Variants in PEX14 observed in about 807,000 individuals in gnomAD.
The protein encoded by PEX14 is peroxisomal membrane protein PEX14.
Under a neutral mutation model 49.5 loss-of-function variants are expected in PEX14, and 15 were observed. The ratio of observed to expected loss-of-function variants is 0.30; its 90% confidence interval spans 0.20 to 0.47. PEX14 has a LOEUF of 0.47. Among genes scored for constraint, PEX14 ranks in the 20% least tolerant of loss-of-function variants. The pLI is 1.00. For missense variants in PEX14, 398 were observed against 494.8 expected (o/e 0.80, Z 1.86); for synonymous variants, 210 against 212.7 (o/e 0.99, Z 0.11).
intron 2 of PEX14, among the ~76,000 whole-genome samples, chr1:10,501,055 T>C (rs566800358): frequency 4.6e-4 from 70 of 152,326 alleles, no homozygotes; most frequent in African/African-American, 1.6e-3. Context: ...AAACCAGCCA[T>C]TTAGGGATTT....
At chr1:10,562,034 A>G (rs1346565888) in intron 3 of PEX14, among the ~76,000 whole-genome samples, 1 of 152,012 alleles carries the variant, frequency 6.6e-6, no homozygotes, top group East Asian at 1.9e-4. Context: ...GCGCCTGGCT[A>G]ATTTAAGAAT....
chr1:10,587,125 T>C (rs999135721), intron 3 of PEX14, among the ~76,000 whole-genome samples: 13 of 152,150 alleles, frequency 8.5e-5, no homozygotes, highest in Non-Finnish European at 1.9e-4. Context: ...ATGTGCATGC[T>C]TTTCTGTATA....
At chr1:10,591,935 CT>C (rs1388044625) in intron 3 of PEX14, among the ~76,000 whole-genome samples, 3 of 152,102 alleles carry the variant, frequency 2.0e-5, no homozygotes, top group African/African-American at 7.2e-5. Flanking sequence ...CTCTCTGTCC[CT>C]TTTTCTTGAT....
intron 3 of PEX14, among the ~76,000 whole-genome samples, chr1:10,551,830 C>T (rs1021430874): frequency 4.6e-5 from 7 of 152,120 alleles, no homozygotes; most frequent in Non-Finnish European, 7.4e-5. Flanking sequence ...TGGCCAGGCA[C>T]GGTGGCTCAT....
chr1:10,574,822 CAG>C (rs1640074477), intron 3 of PEX14, among the ~76,000 whole-genome samples: 1 of 152,102 alleles, frequency 6.6e-6, no homozygotes, highest in South Asian at 2.1e-4. Context: ...TCAAAAGAAA[CAG>C]AATTGGCCGG....
intron 3 of PEX14, among the ~76,000 whole-genome samples, chr1:10,582,927 G>A (rs1640366095): frequency 6.6e-6 from 1 of 152,012 alleles, no homozygotes; most frequent in Admixed American, 6.6e-5. Context: ...AGGGACGGGG[G>A]TTTCACCATG....
At chr1:10,484,261 C>A (rs1641331167) in intron 1 of PEX14, among the ~76,000 whole-genome samples, 1 of 151,512 alleles carries the variant, frequency 6.6e-6, no homozygotes, top group African/African-American at 2.4e-5. Context: ...TGGTCTTGAA[C>A]CCCTGACCTC....
intron 1 of PEX14, among the ~76,000 whole-genome samples, chr1:10,486,803 C>T (rs975857559): frequency 3.3e-5 from 5 of 151,570 alleles, no homozygotes; most frequent in African/African-American, 9.7e-5. Context: ...TTCTCTGCCT[C>T]AGCCTCCTGA....
intron 2 of PEX14, among the ~76,000 whole-genome samples, chr1:10,498,245 A>G (rs1641604680): frequency 6.6e-6 from 1 of 152,210 alleles, no homozygotes; most frequent in African/African-American, 2.4e-5. Flanking sequence ...AGGCCACTGC[A>G]CTCCAGCCTG....
At chr1:10,490,934 G>A (rs911906793) in intron 1 of PEX14, among the ~76,000 whole-genome samples, 14 of 151,334 alleles carry the variant, frequency 9.3e-5, no homozygotes, top group Admixed American at 9.2e-4. Context: ...GAACTCCTGG[G>A]CCCAAGCGAT....
chr1:10,572,895 G>T (rs1019053349), intron 3 of PEX14, among the ~76,000 whole-genome samples: 1 of 152,170 alleles, frequency 6.6e-6, no homozygotes, highest in Non-Finnish European at 1.5e-5. Context: ...GTTATAGACT[G>T]TACCTACACA....
At chr1:10,496,679 G>A (rs1247504041) in intron 2 of PEX14, among the ~76,000 whole-genome samples, 1 of 151,990 alleles carries the variant, frequency 6.6e-6, no homozygotes, top group Non-Finnish European at 1.5e-5. Flanking sequence ...CTGATTTCTG[G>A]TATTTGGAGC....
In PEX14 at chr1:10,561,184, C is replaced by T. The variant is rs1048552344; in HGVS notation, c.169+24887C>T. Among the ~76,000 whole-genome samples the T allele has an allele frequency of 2.0e-5, 3 of 152,200 alleles. No individual in the cohort carries two copies. The South Asian group carries it at 6.2e-4, about 32-fold the overall frequency. ...GGCCATTCTTCCACACATAACCACA[C>T]CATGTTACCACATAGAAGAAAATTA... On this transcript the variant is annotated intron_variant, in intron 3 of 8. Transcript: ENST00000356607.
At chr1:10,534,196 T>C (rs1638732119) in intron 2 of PEX14, among the ~76,000 whole-genome samples, 1 of 152,146 alleles carries the variant, frequency 6.6e-6, no homozygotes, top group African/African-American at 2.4e-5. Flanking sequence ...ATACGAGTAG[T>C]GTAATTTTCT....
intron 3 of PEX14, among the ~76,000 whole-genome samples, chr1:10,588,683 G>A (rs1046551511): frequency 6.6e-6 from 1 of 152,124 alleles, no homozygotes. Flanking sequence ...AGCCCTCATG[G>A]TGATCAGATC....
chr1:10,476,386 G>A (rs1407396482), intron 1 of PEX14, among the ~76,000 whole-genome samples: 1 of 152,190 alleles, frequency 6.6e-6, no homozygotes. Context: ...CTCCTTTCTT[G>A]CCTTACCACA....
chr1:10,611,837 C>G (rs1641285331), intron 4 of PEX14, among the ~76,000 whole-genome samples: 1 of 152,154 alleles, frequency 6.6e-6, no homozygotes, highest in Non-Finnish European at 1.5e-5. Flanking sequence ...GCCACTTTGT[C>G]TTTTTATTAT....
chr1:10,518,998 G>C (rs1642020602), intron 2 of PEX14, among the ~76,000 whole-genome samples: 1 of 152,066 alleles, frequency 6.6e-6, no homozygotes. Flanking sequence ...AGTTGGAGAG[G>C]CCCCCACTTC....
Position 10,628,131 on chromosome 1 carries a change from T to A in PEX14, c.677+768T>A, listed in dbSNP as rs1046178440. On this transcript the variant is annotated intron_variant, in intron 8 of 8. Coordinates refer to ENST00000356607, the MANE Select transcript of PEX14 (RefSeq NM_004565.3). This position sits in a 1 kb window ranked among gnomAD's most constrained non-coding sequence, Gnocchi z 4.5. ...TTGTATTTTTAGTAGAGGTGGGATT[T>A]TGCTATGTTGGCCAGGCTGGTCTTG... Among the ~76,000 whole-genome samples the A allele has an allele frequency of 1.7e-4, 26 of 152,200 alleles. No homozygotes were observed. The highest frequency in any genetic ancestry group is 6.3e-4 in the African/African-American group (26 of 41,442).
Sources: gnomAD v4.1 joint callset for allele counts (sites outside exome capture counted in the v4.1 genomes callset) on GRCh38, gnomAD v4.1.1 for gene constraint, Gnocchi (gnomAD v3.1) non-coding constraint, MANE v1.5 for transcripts, NCBI Gene and HGNC (gene_info 2026-07-23, HGNC 2026-07-21) for gene names.